The following SGCE variants were observed in gnomAD, a reference collection of about 807,000 sequenced individuals.
SGCE encodes sarcoglycan epsilon.
In SGCE, 26 loss-of-function variants were observed where a neutral mutation model predicts 57.8. The observed-to-expected ratio is 0.45, with a 90% CI of 0.33 to 0.62. The LOEUF is 0.62. SGCE is among the 20% of genes least tolerant of loss of function. The pLI is 0.02. For synonymous variants in SGCE, 183 were observed against 189.5 expected (o/e 0.97, Z 0.28); for missense variants, 468 against 548.6 (o/e 0.85, Z 1.47).
chr7:94,614,106 TCAAAA>T (rs1187877967), intron 5 of SGCE, among the ~76,000 whole-genome samples: 734 of 55,134 alleles, frequency 0.013, 3 homozygotes, highest in African/African-American at 0.06. Context: ...CAAATTGAAA[TCAAAA>T]AAAAAAAAAA....
chr7:94,588,959 T>G, intron 9 of SGCE: 1 of 539,912 alleles, frequency 1.9e-6, no homozygotes, highest in South Asian at 2.1e-5. Flanking sequence ...CTGCGGGCTA[T>G]ACTCTAAAGT....
intron 3 of SGCE, chr7:94,624,007 T>C (rs1803271080): frequency 5.1e-6 from 2 of 391,394 alleles, no homozygotes; most frequent in African/African-American, 2.1e-5. Flanking sequence ...AGTAAACATT[T>C]GCAGAGCCAA....
chr7:94,599,281 T>A (rs1798863689), intron 8 of SGCE: 2 of 294,070 alleles, frequency 6.8e-6, no homozygotes, highest in African/African-American at 4.4e-5. Flanking sequence ...AAAACTACCA[T>A]AGCTTTTATA....
At chr7:94,596,274 A>G (rs1348452888) in intron 9 of SGCE, among the ~76,000 whole-genome samples, 1 of 152,140 alleles carries the variant, frequency 6.6e-6, no homozygotes, top group East Asian at 1.9e-4. Context: ...TTCTAACCAC[A>G]GGGAATCAAA....
chr7:94,619,009 AAG>A, intron 4 of SGCE, 53 bp from the exon 5 acceptor site: 1 of 1,249,404 alleles, frequency 8.0e-7, no homozygotes, highest in Non-Finnish European at 1.2e-6. Flanking sequence ...GTCTTTTAAA[AAG>A]GAAACAAAAG....
chr7:94,647,757 C>T (rs1040685650), intron 1 of SGCE, among the ~76,000 whole-genome samples: 2 of 152,160 alleles, frequency 1.3e-5, no homozygotes, highest in African/African-American at 4.8e-5. Context: ...AGAGGTCTTC[C>T]TTTTACCTCA....
rs1278411033 is a variant in SGCE at position 94,638,213 on chromosome 7, ACT to A, written c.110-8374_110-8373del. Among the ~76,000 whole-genome samples the A allele has an allele frequency of 3.3e-5, 5 of 152,152 alleles. No homozygotes were observed. In the East Asian group the frequency reaches 9.7e-4, roughly 29 times the overall value. ...TTTCATGAGAAGTTATTTGTATGAA[ACT>A]CTATGTTTTCTTACAGATCTTAGCA... On this transcript the variant is annotated intron_variant, in intron 1 of 10. Transcript: ENST00000648936.
chr7:94,606,414 C>A (rs1800151638), intron 5 of SGCE, among the ~76,000 whole-genome samples: 1 of 152,160 alleles, frequency 6.6e-6, no homozygotes, highest in African/African-American at 2.4e-5. Flanking sequence ...GAGGTCAATT[C>A]TTTAAGAACA....
intron 10 of SGCE, chr7:94,588,081 C>T (rs1797146052): frequency 1.5e-6 from 2 of 1,313,462 alleles, no homozygotes; most frequent in East Asian, 3.2e-5. Flanking sequence ...AAGTTATCTA[C>T]TCAGTATAGA....
chr7:94,640,880 T>G (rs2117044575), intron 1 of SGCE: 1 of 152,440 alleles, frequency 6.6e-6, no homozygotes, highest in Non-Finnish European at 1.5e-5. Context: ...ACTCCAGGCC[T>G]CAGGTGATCC....
intron 3 of SGCE, chr7:94,625,833 A>G (rs1803636923): frequency 6.6e-6 from 1 of 152,062 alleles, no homozygotes; most frequent in South Asian, 2.1e-4. Flanking sequence ...GTGTTGTGCT[A>G]TACAAATGTT....
chr7:94,627,521 T>C (rs969106706), intron 3 of SGCE: 1 of 152,202 alleles, frequency 6.6e-6, no homozygotes, highest in Non-Finnish European at 1.5e-5. Context: ...CCTACTAGGG[T>C]ACATCCTATT....
rs1266714275 is a variant in SGCE, at chr7:94,599,320, TACTC to T, written c.1065-361_1065-358del. On this transcript the variant is annotated intron_variant, in intron 8 of 10. Transcript: ENST00000648936. ...TTGCTTCTGGTGGGGCATTTATAAA[TACTC>T]ACAGAAGTTTCATTTTATGGTAGGT... The T allele has an allele frequency of 9.3e-5, 27 of 290,856 alleles. 1 individual carries two copies. Among genetic ancestry groups the T allele is most frequent in the South Asian group, 5.3e-4 (8 of 15,198 alleles). The allele number at this position is 290,856 out of a possible 1,614,324, so 18.0% of individuals were successfully genotyped here.
chr7:94,595,813 C>T (rs1798313426), intron 9 of SGCE, among the ~76,000 whole-genome samples: 1 of 151,992 alleles, frequency 6.6e-6, no homozygotes, highest in Non-Finnish European at 1.5e-5. Flanking sequence ...CATATTCTGG[C>T]TTATAGGGAG....
intron 1 of SGCE, among the ~76,000 whole-genome samples, chr7:94,636,835 G>A (rs778709403): frequency 1.3e-5 from 2 of 152,096 alleles, no homozygotes; most frequent in African/African-American, 2.4e-5. Context: ...AGGGCAAGGC[G>A]GGCAGATCAC....
intron 5 of SGCE, among the ~76,000 whole-genome samples, chr7:94,615,595 ATC>A (rs1257374333): frequency 2.6e-5 from 4 of 152,162 alleles, no homozygotes; most frequent in Non-Finnish European, 5.9e-5. Context: ...AAAGCAGACA[ATC>A]AGTGGGAGTA....
At chr7:94,623,484 C>T (rs1803173616) in intron 3 of SGCE, 87 bp from the exon 4 acceptor site, 1 of 837,636 alleles carries the variant, frequency 1.2e-6, no homozygotes, top group Admixed American at 2.2e-5. Context: ...AACAAATTGT[C>T]ATTCTTTCCA....
intron 9 of SGCE, chr7:94,597,747 A>AC (rs1798606782): frequency 6.6e-6 from 1 of 152,268 alleles, no homozygotes; most frequent in Admixed American, 6.6e-5. Context: ...GGTGGCTCAC[A>AC]CCTGTAATCC....
chr7:94,605,166 G>A (rs1007529020), intron 5 of SGCE, among the ~76,000 whole-genome samples: 9 of 152,006 alleles, frequency 5.9e-5, no homozygotes, highest in South Asian at 2.1e-4. Flanking sequence ...GCATCACACC[G>A]GAATCAGATA....
Sources: allele counts gnomAD v4.1 joint callset (sites outside exome capture counted in the v4.1 genomes callset), GRCh38; gene constraint gnomAD v4.1.1; transcripts MANE v1.5; gene names NCBI Gene and HGNC (gene_info 2026-07-23, HGNC 2026-07-21).